CLIC5: variants seen among roughly 807,000 people sequenced by gnomAD.
CLIC5 encodes chloride intracellular channel protein 5.
In CLIC5, 20 loss-of-function variants were observed where a neutral mutation model predicts 24.7. The observed-to-expected ratio is 0.81, with a 90% CI of 0.57 to 1.18. The LOEUF is 1.18. Ranked by LOEUF, CLIC5 falls within the 50% of genes most tolerant of loss-of-function variation. The probability of loss-of-function intolerance (pLI) is 0.00; values close to 1 mark genes in which losing one functional copy is unlikely to be tolerated. For synonymous variants in CLIC5, 159 were observed against 135.6 expected (o/e 1.17, Z -1.20); for missense variants, 341 against 326.1 (o/e 1.05, Z -0.35).
At chr6:46,126,144 G>C in the CLIC5 span, among the ~76,000 whole-genome samples, 1 of 152,116 alleles carries the variant, frequency 6.6e-6, no homozygotes, top group Non-Finnish European at 1.5e-5. Context: ...AGTCTGCCCC[G>C]TGGATGAGGG....
chr6:45,990,206 A>G (rs1765885451), intron 1 of CLIC5, among the ~76,000 whole-genome samples: 1 of 152,224 alleles, frequency 6.6e-6, no homozygotes, highest in African/African-American at 2.4e-5. Context: ...CAAACAAAAC[A>G]AGGTAGACTT....
chr6:45,886,780 G>A (rs1581702807), intron 6 of CLIC5, among the ~76,000 whole-genome samples: 1 of 152,182 alleles, frequency 6.6e-6, no homozygotes, highest in Non-Finnish European at 1.5e-5. Context: ...TGTGTGATGA[G>A]CCCAAGGAGC....
chr6:46,074,990 C>T (rs1172188466), intron 1 of CLIC5, among the ~76,000 whole-genome samples: 2 of 152,192 alleles, frequency 1.3e-5, no homozygotes, highest in African/African-American at 4.8e-5. Context: ...TGAATGCTTG[C>T]TGCAAAGCAC....
At chr6:46,114,361 A>C in the CLIC5 span, among the ~76,000 whole-genome samples, 1 of 152,176 alleles carries the variant, frequency 6.6e-6, no homozygotes, top group Non-Finnish European at 1.5e-5. Flanking sequence ...TATTGGCAGC[A>C]CTGCTCATTA....
intron 4 of CLIC5, chr6:45,919,010 T>C: frequency 1.0e-6 from 1 of 985,448 alleles, no homozygotes; most frequent in Middle Eastern, 5.2e-4. Flanking sequence ...GGACGTACAA[T>C]GGAAATGTGC....
chr6:45,992,301 C>A (rs1341939819), intron 1 of CLIC5, among the ~76,000 whole-genome samples: 1 of 152,206 alleles, frequency 6.6e-6, no homozygotes, highest in African/African-American at 2.4e-5. Context: ...GTTGACCCAG[C>A]TCATTTCTAA....
chr6:45,992,566 T>C (rs1765980516), intron 1 of CLIC5, among the ~76,000 whole-genome samples: 1 of 152,162 alleles, frequency 6.6e-6, no homozygotes, highest in Non-Finnish European at 1.5e-5. Context: ...ATAGCGTGTG[T>C]TTATGCCTAA....
upstream of CLIC5, among the ~76,000 whole-genome samples, chr6:46,084,899 T>G (rs1342842416): frequency 1.3e-5 from 2 of 152,260 alleles, no homozygotes; most frequent in Non-Finnish European, 2.9e-5. Context: ...TCCCCGTCAC[T>G]TTCAGGTACA....
chr6:46,085,044 C>G (rs180850237), upstream of CLIC5, among the ~76,000 whole-genome samples: 551 of 152,302 alleles, frequency 3.6e-3, 3 homozygotes, highest in African/African-American at 0.012. Flanking sequence ...TCACTGATAT[C>G]CTTTCTTCCA....
rs954372013 is a variant in CLIC5, at chr6:45,898,544, G to T, written c.*4544C>A. 1 of 148,928 alleles carries T rather than the reference G, an allele frequency of 6.7e-6. No individual in the cohort carries two copies. Among genetic ancestry groups the T allele is most frequent in the African/African-American group, 2.6e-5 (1 of 38,370 alleles). The allele number at this position is 148,928 out of a possible 1,614,324, so 9.2% of individuals were successfully genotyped here. The stretch of plus-strand genomic sequence containing the variant: ...ATTGGTAATTGGTTCAGATTCATGA[G>T]GAAAACACTCAGCTGTATCTTCATT... On this transcript the variant is annotated 3_prime_UTR_variant, in exon 6 of 6. Coordinates refer to ENST00000339561, the MANE Select transcript of CLIC5 (RefSeq NM_016929.5).
intron 1 of CLIC5, among the ~76,000 whole-genome samples, chr6:46,056,324 A>G (rs1483536045): frequency 6.6e-6 from 1 of 152,068 alleles, no homozygotes; most frequent in Non-Finnish European, 1.5e-5. Context: ...GAATTGGGAA[A>G]AAGTTCCCCT....
At chr6:46,098,574 A>C in the CLIC5 span, among the ~76,000 whole-genome samples, 1 of 152,298 alleles carries the variant, frequency 6.6e-6, no homozygotes, top group African/African-American at 2.4e-5. Flanking sequence ...TAAAGAAAAA[A>C]CAATCAGTAT....
intron 6 of CLIC5, among the ~76,000 whole-genome samples, chr6:45,887,847 G>A (rs1347938558): frequency 6.6e-6 from 1 of 152,202 alleles, no homozygotes; most frequent in Non-Finnish European, 1.5e-5. Context: ...TAAGGACAGG[G>A]AAGCCTCTGG....
At chr6:46,064,071 G>A (rs184692628) in intron 1 of CLIC5, among the ~76,000 whole-genome samples, 64 of 151,918 alleles carry the variant, frequency 4.2e-4, no homozygotes, top group Non-Finnish European at 7.5e-4. Flanking sequence ...ACCCATATAT[G>A]GTTAAAATGA....
chr6:45,963,808 A>G (rs1236779914), intron 1 of CLIC5, among the ~76,000 whole-genome samples: 7 of 152,184 alleles, frequency 4.6e-5, no homozygotes, highest in Admixed American at 4.6e-4. Context: ...CATTTCAATT[A>G]AATATCTTGC....
At chr6:45,973,094 A>ACTTGGCTTGT (rs1765256691) in intron 1 of CLIC5, among the ~76,000 whole-genome samples, 1 of 152,148 alleles carries the variant, frequency 6.6e-6, no homozygotes, top group Non-Finnish European at 1.5e-5. Flanking sequence ...AAATTCCATG[A>ACTTGGCTTGT]CTTGGCTTGT....
intron 1 of CLIC5, among the ~76,000 whole-genome samples, chr6:46,026,207 T>C (rs1204374708): frequency 6.6e-6 from 1 of 152,162 alleles, no homozygotes; most frequent in Non-Finnish European, 1.5e-5. Context: ...CCTGAATTAT[T>C]ATTATTATTT....
chr6:46,013,999 T>C (rs777032481), intron 1 of CLIC5, among the ~76,000 whole-genome samples: 11 of 151,744 alleles, frequency 7.2e-5, no homozygotes, highest in Non-Finnish European at 1.5e-4. Flanking sequence ...CCTCCTTTAT[T>C]ACCTGGGTCT....
chr6:45,944,320 C>G (rs1257356170), intron 3 of CLIC5, among the ~76,000 whole-genome samples: 1 of 151,914 alleles, frequency 6.6e-6, no homozygotes, highest in Non-Finnish European at 1.5e-5. Flanking sequence ...AATGCCCATT[C>G]ATTTACATAC....
Sources: allele counts gnomAD v4.1 joint callset (sites outside exome capture counted in the v4.1 genomes callset), GRCh38; gene constraint gnomAD v4.1.1; transcripts MANE v1.5; gene names NCBI Gene and HGNC (gene_info 2026-07-23, HGNC 2026-07-21).